The following TGIF1 variants were observed in gnomAD, a reference collection of about 807,000 sequenced individuals.
TGIF1 encodes the protein homeobox protein TGIF1.
In TGIF1, 4 loss-of-function variants were observed where a neutral mutation model predicts 19.3. The ratio of observed to expected loss-of-function variants is 0.21; its 90% CI spans 0.10 to 0.47. The LOEUF (loss-of-function observed/expected upper bound fraction) is 0.47. Ranked by LOEUF, TGIF1 falls within the 20% of genes least tolerant of loss-of-function variation. The pLI is 0.98. For missense variants in TGIF1, 275 were observed against 341.4 expected, an observed-to-expected ratio of 0.81 and a Z score of 1.53; for synonymous variants, 122 against 129.3, an observed-to-expected ratio of 0.94 and a Z score of 0.38.
At chr18:3,424,840 C>T (rs1459853399) in intron 2 of TGIF1, among the ~76,000 whole-genome samples, 5 of 152,154 alleles carry the variant, frequency 3.3e-5, no homozygotes, top group South Asian at 2.1e-4. Context: ...ATGCCTGGAG[C>T]GGGCACAGAA....
rs1304225890 is a variant in TGIF1 at position 3,458,171 on chromosome 18, T to C, written c.*231T>C. The C allele has an allele frequency of 9.6e-6, 5 of 521,600 alleles. No homozygotes were observed. The highest frequency in any genetic ancestry group is 1.0e-5 in the Non-Finnish European group (3 of 298,066). 32.3% of individuals were successfully genotyped at this position (521,600 alleles called of 1,614,324 possible). A position where few individuals can be genotyped will look rare whatever the true frequency, so the allele number is the denominator to read the frequency against. ...TTTTTAAATGTTTCTTGGTAGATTA[T>C]TCATAATGTGAGATGGTTCCCAATA... On this transcript the variant is annotated 3_prime_UTR_variant, in exon 3 of 3. Coordinates refer to ENST00000343820, the MANE Select transcript of TGIF1 (RefSeq NM_003244.4).
chr18:3,458,546 T>G lies in TGIF1; in HGVS notation c.*606T>G, dbSNP rs1598916345. 6.5e-6 allele frequency: 1 copy of G among 154,990 alleles called. No homozygotes were observed. Among genetic ancestry groups the G allele is most frequent in the Admixed American group, 6.4e-5 (1 of 15,620 alleles). The allele number at this position is 154,990 out of a possible 1,614,324, so 9.6% of individuals were successfully genotyped here. ...GTGTCACCAGCTCTTTGAAAACCTG[T>G]GGACAACAAGCCAGTTTGCATAAAC... On this transcript the variant is annotated 3_prime_UTR_variant, in exon 3 of 3. Transcript: ENST00000343820.
rs921438113 is a variant in TGIF1, at chr18:3,451,405, C to T, written c.16+900C>T. 5 of 985,448 alleles carry T rather than the reference C, an allele frequency of 5.1e-6. No individual in the cohort carries two copies. Among genetic ancestry groups the T allele is most frequent in the Non-Finnish European group, 4.8e-6 (4 of 829,946 alleles). 61.0% of individuals were successfully genotyped at this position (985,448 alleles called of 1,614,324 possible). On this transcript the variant is annotated intron_variant, in intron 1 of 2. Coordinates refer to ENST00000343820, the MANE Select transcript of TGIF1 (RefSeq NM_003244.4). This position sits in a 1 kb window ranked among gnomAD's most constrained non-coding sequence, Gnocchi z 5.4. The stretch of plus-strand genomic sequence containing the variant: ...CCCGAAAGGTCAGAGTGTGAAGTCC[C>T]TTTTGAAGTTAACAAAAATTGAGTC...
Position 3,458,688 on chromosome 18 carries a change from G to A in TGIF1, c.*748G>A, listed in dbSNP as rs419499. 0.046 allele frequency: 7,013 copies of A among 152,856 alleles called. 445 individuals carry two copies. The highest frequency in any genetic ancestry group is 0.14 in the African/African-American group (5,716 of 41,498). 9.5% of individuals were successfully genotyped at this position (152,856 alleles called of 1,614,324 possible). ...TGTTTAGCTAGCCACTAAATCCCTT[G>A]CTGATCTGTCCTGCGTAGTTTAAAA... On this transcript the variant is annotated 3_prime_UTR_variant, in exon 3 of 3. Coordinates refer to ENST00000343820, the MANE Select transcript of TGIF1 (RefSeq NM_003244.4).
In TGIF1 at chr18:3,459,385, A is replaced by G. The variant is rs892387690; in HGVS notation, c.*1445A>G. On this transcript the variant is annotated 3_prime_UTR_variant, in exon 3 of 3. Transcript: ENST00000343820. ...AAGAAAAAAACTGCTGATGATTACCAAGAGGCGTAAGAAAATTAGGTGAGG... is the reference window on the plus strand; with the variant it reads ...AAGAAAAAAACTGCTGATGATTACCGAGAGGCGTAAGAAAATTAGGTGAGG... 3 of 152,204 alleles carry G rather than the reference A, an allele frequency of 2.0e-5. No individual in the cohort carries two copies. Among genetic ancestry groups the G allele is most frequent in the Non-Finnish European group, 4.4e-5 (3 of 68,028 alleles). 9.4% of individuals were successfully genotyped at this position (152,204 alleles called of 1,614,324 possible). A position where few individuals can be genotyped will look rare whatever the true frequency, so the allele number is the denominator to read the frequency against.
intron 2 of TGIF1, among the ~76,000 whole-genome samples, chr18:3,434,366 G>A (rs1031379239): frequency 7.2e-5 from 11 of 151,902 alleles, no homozygotes; most frequent in South Asian, 2.1e-4. Context: ...TAGAAACCCC[G>A]TCTCTACTAA....
intron 2 of TGIF1, among the ~76,000 whole-genome samples, chr18:3,427,602 CT>C (rs60164860): frequency 0.014 from 1,886 of 137,178 alleles, 19 homozygotes; most frequent in African/African-American, 0.03. Context: ...AGAATATATT[CT>C]TTTTTTTTTT....
At chr18:3,448,074 G>T (rs190957023), upstream of TGIF1, 153 of 953,462 alleles carry the variant, frequency 1.6e-4, no homozygotes, top group Non-Finnish European at 1.5e-4. Context: ...TAAAGCGGGC[G>T]GGGGGGGAGG....
At chr18:3,421,127 G>A (rs1325794848) in intron 2 of TGIF1, among the ~76,000 whole-genome samples, 2 of 151,904 alleles carry the variant, frequency 1.3e-5, no homozygotes, top group Non-Finnish European at 2.9e-5. Context: ...TTATTCACAT[G>A]TTTGTGGTGA....
rs919836482 is a variant in TGIF1 at position 3,444,930 on chromosome 18, A to G, written c.-44-11424A>G. Among the ~76,000 whole-genome samples, 5 of 152,314 alleles carry G rather than the reference A, an allele frequency of 3.3e-5. No homozygotes were observed. In the South Asian group the frequency reaches 6.2e-4, roughly 19 times the overall value. On this transcript the variant is annotated intron_variant, in intron 2 of 3. Transcript: ENST00000401449. Reference sequence around the variant, plus strand: ...TGAACCAGGGGTGATCCTCCTCCCCATGGGGATTTCTATCCCCATGGAACA... The same window carrying G: ...TGAACCAGGGGTGATCCTCCTCCCCGTGGGGATTTCTATCCCCATGGAACA...
chr18:3,457,302 AT>A lies in TGIF1; in HGVS notation c.244-61del, dbSNP rs2049386921. 1 of 1,549,760 alleles carries A rather than the reference AT, an allele frequency of 6.5e-7. No homozygotes were observed. Among genetic ancestry groups the A allele is most frequent in the Admixed American group, 1.7e-5 (1 of 57,408 alleles). On this transcript the variant is annotated intron_variant, in intron 2 of 2. Coordinates refer to ENST00000343820, the MANE Select transcript of TGIF1 (RefSeq NM_003244.4). The surrounding 1 kb of genome is among the most constrained non-coding windows in gnomAD (Gnocchi z 4.9). The stretch of plus-strand genomic sequence containing the variant: ...AGATCAATTAGGTACCCCATAGAAC[AT>A]TCTCAGAACCCGTTGGCTGAGTGAA...
At chr18:3,443,710 T>C (rs1335749498) in intron 2 of TGIF1, among the ~76,000 whole-genome samples, 1 of 151,784 alleles carries the variant, frequency 6.6e-6, no homozygotes, top group African/African-American at 2.4e-5. Context: ...GAAATTCACT[T>C]GAATTCACCA....
At chr18:3,442,575 C>G (rs1348417290) in intron 2 of TGIF1, among the ~76,000 whole-genome samples, 1 of 151,896 alleles carries the variant, frequency 6.6e-6, no homozygotes, top group Non-Finnish European at 1.5e-5. Flanking sequence ...AAAATCAATA[C>G]AATAGAAAAG....
intron 1 of TGIF1, among the ~76,000 whole-genome samples, chr18:3,417,143 T>TTTG (rs985050945): frequency 3.9e-5 from 6 of 152,036 alleles, no homozygotes; most frequent in Non-Finnish European, 8.8e-5. Context: ...TTATTTGTTT[T>TTTG]TTGTTGTTGT....
chr18:3,421,163 A>G (rs1377830059), intron 2 of TGIF1, among the ~76,000 whole-genome samples: 1 of 151,620 alleles, frequency 6.6e-6, no homozygotes, highest in East Asian at 1.9e-4. Flanking sequence ...AAACAAATCT[A>G]CTGTATTTGA....
rs2049419268 is a variant in TGIF1, at chr18:3,457,988, T to G, written c.*48T>G. On this transcript the variant is annotated 3_prime_UTR_variant, in exon 3 of 3. Coordinates refer to ENST00000343820, the MANE Select transcript of TGIF1 (RefSeq NM_003244.4). This position sits in a 1 kb window ranked among gnomAD's most constrained non-coding sequence, Gnocchi z 4.9. Reference sequence around the variant, plus strand: ...CTCAGAAATGTCATGATTGCCGGGGTGAAGGCAAGAGATGAATTGCATTAT... The same window carrying G: ...CTCAGAAATGTCATGATTGCCGGGGGGAAGGCAAGAGATGAATTGCATTAT... The G allele has an allele frequency of 8.5e-6, 13 of 1,538,320 alleles. No individual in the cohort carries two copies. The highest frequency in any genetic ancestry group is 1.1e-5 in the Non-Finnish European group (12 of 1,124,562).
Position 3,428,736 on chromosome 18 carries a change from C to CA in TGIF1, c.-45+10532dup, listed in dbSNP as rs529812707. On this transcript the variant is annotated intron_variant, in intron 2 of 3. Coordinates refer to the TGIF1 transcript ENST00000401449. Reference sequence around the variant, plus strand: ...TGGGCGACAGAGCAAGACTTCATCTCAAAAAAAAAAATGTTATTTTATAGG... The same window carrying CA: ...TGGGCGACAGAGCAAGACTTCATCTCAAAAAAAAAAAATGTTATTTTATAGG... Among the ~76,000 whole-genome samples the CA allele has an allele frequency of 6.1e-3, 881 of 145,102 alleles. 10 individuals carry two copies. The highest frequency in any genetic ancestry group is 0.02 in the African/African-American group (788 of 39,928).
intron 2 of TGIF1, among the ~76,000 whole-genome samples, chr18:3,423,610 G>A (rs998534852): frequency 6.6e-6 from 1 of 152,088 alleles, no homozygotes; most frequent in South Asian, 2.1e-4. Context: ...GTGAACCCAG[G>A]AGGCGGAGCT....
chr18:3,412,525 C>T (rs11571506), intron 1 of TGIF1, among the ~76,000 whole-genome samples: 53,968 of 151,952 alleles, frequency 0.36, 10,080 homozygotes, highest in African/African-American at 0.48. Flanking sequence ...CGCTTCTAAA[C>T]GAGCACGCAT....
Sources: allele counts gnomAD v4.1 joint callset (sites outside exome capture counted in the v4.1 genomes callset), GRCh38; gene constraint gnomAD v4.1.1; non-coding constraint Gnocchi (gnomAD v3.1); transcripts MANE v1.5; gene names NCBI Gene and HGNC (gene_info 2026-07-23, HGNC 2026-07-21).